RIMS1: variants seen among roughly 807,000 people sequenced by gnomAD.
The protein encoded by RIMS1 is regulating synaptic membrane exocytosis protein 1.
A neutral mutation model predicts 214.1 loss-of-function variants in RIMS1; 83 were observed. The observed-to-expected ratio is 0.39, with a 90% CI of 0.32 to 0.47. RIMS1 has a LOEUF of 0.47. Ranked by LOEUF, RIMS1 falls within the 20% of genes least tolerant of loss-of-function variation. The pLI, the probability that RIMS1 is intolerant of heterozygous loss-of-function variation, is 0.99. For synonymous variants in RIMS1, 793 were observed against 786.8 expected, an observed-to-expected ratio of 1.01 and a Z score of -0.13; for missense variants, 2,050 against 2,161.8, an observed-to-expected ratio of 0.95 and a Z score of 1.03.
chr6:72,182,801 C>T lies in RIMS1; in HGVS notation c.1330C>T (p.Leu444=), dbSNP rs1383261401. The change falls in exon 6 of 34, where the codon CTA becomes TTA. Residue 444 remains leucine, a synonymous_variant. Coordinates refer to ENST00000521978, the MANE Select transcript of RIMS1 (RefSeq NM_014989.7). The stretch of plus-strand genomic sequence containing the variant: ...GACCAGGGCGCCGGGCGCCAAGCAG[C>T]TAACGAACCACAGCCCGCCGGCGCC... ...AETRAPGAKQ[L]TNHSPPAPRH... 6 of 1,548,264 alleles carry T rather than the reference C, an allele frequency of 3.9e-6. No individual in the cohort carries two copies. In the South Asian group the frequency reaches 7.1e-5, roughly 18 times the overall value.
chr6:72,059,208 T>C lies in RIMS1; in HGVS notation c.246-37741T>C, dbSNP rs149403811. Among the ~76,000 whole-genome samples the C allele has an allele frequency of 7.4e-3, 1,134 of 152,310 alleles. 10 individuals are homozygous for C. The highest frequency in any genetic ancestry group is 0.026 in the African/African-American group (1,072 of 41,556). On this transcript the variant is annotated intron_variant, in intron 2 of 33. Coordinates refer to ENST00000521978, the MANE Select transcript of RIMS1 (RefSeq NM_014989.7). ...CATGAATTCATATAACTATGACAGG[T>C]TTCTGCTAGGCATTTTGTTTTATTT... is the stretch of plus-strand genomic sequence containing the variant.
chr6:72,223,864 C>T (rs983267327), intron 6 of RIMS1, among the ~76,000 whole-genome samples: 1 of 146,312 alleles, frequency 6.8e-6, no homozygotes, highest in African/African-American at 2.5e-5. Flanking sequence ...AGGTGAATGG[C>T]GTAAACCTGG....
intron 29 of RIMS1, among the ~76,000 whole-genome samples, chr6:72,378,742 G>A (rs2098436550): frequency 6.6e-6 from 1 of 152,214 alleles, no homozygotes; most frequent in Non-Finnish European, 1.5e-5. Flanking sequence ...AGGAGGCTGA[G>A]GCAGAAGAAT....
intron 2 of RIMS1, among the ~76,000 whole-genome samples, chr6:72,009,163 A>T (rs1809191238): frequency 1.3e-5 from 2 of 152,232 alleles, no homozygotes; most frequent in Admixed American, 1.3e-4. Flanking sequence ...ACTCAGGATT[A>T]AGAAACTCAC....
intron 1 of RIMS1, 110 bp from the exon 2 acceptor site, chr6:71,968,873 C>A (rs1371365489): frequency 5.5e-6 from 6 of 1,097,124 alleles, no homozygotes; most frequent in Non-Finnish European, 5.4e-6. Context: ...GTTGAAGGGG[C>A]TTTCAAAGAC....
chr6:71,890,880 C>T (rs547779604), intron 1 of RIMS1, among the ~76,000 whole-genome samples: 2 of 800 alleles, frequency 2.5e-3, no homozygotes, highest in African/African-American at 4.6e-3. Flanking sequence ...CCTCACACTA[C>T]CCTCAGAGAA....
At chr6:72,204,592 A>G (rs540789078) in intron 6 of RIMS1, among the ~76,000 whole-genome samples, 52 of 152,270 alleles carry the variant, frequency 3.4e-4, no homozygotes, top group Non-Finnish European at 3.8e-4. Flanking sequence ...CTTCTCCTCA[A>G]TCGTTCTCTT....
intron 17 of RIMS1, 69 bp from the exon 18 acceptor site, chr6:72,258,917 C>A: frequency 6.8e-7 from 1 of 1,475,280 alleles, no homozygotes; most frequent in Non-Finnish European, 9.5e-7. Flanking sequence ...AGTTCCTTCA[C>A]TTTAGTCTGT....
At chr6:72,233,945 C>A (rs2063049505) in intron 7 of RIMS1, 105 bp downstream of exon 7, 12 of 702,164 alleles carry the variant, frequency 1.7e-5, no homozygotes, top group Middle Eastern at 2.4e-4. Context: ...TTGGTAAGGG[C>A]AAATATTGAT....
At chr6:72,348,625 C>G (rs1594745174) in intron 29 of RIMS1, among the ~76,000 whole-genome samples, 1 of 151,774 alleles carries the variant, frequency 6.6e-6, no homozygotes, top group South Asian at 2.1e-4. Flanking sequence ...AGGTTTGTTA[C>G]ATGGATAAAT....
At chr6:72,011,514 A>G (rs1416029768) in intron 2 of RIMS1, among the ~76,000 whole-genome samples, 2 of 152,234 alleles carry the variant, frequency 1.3e-5, no homozygotes, top group Non-Finnish European at 2.9e-5. Flanking sequence ...CTGCACAGCA[A>G]AAGAAACTAC....
intron 28 of RIMS1, among the ~76,000 whole-genome samples, chr6:72,330,241 G>C (rs1489758269): frequency 6.6e-6 from 1 of 151,768 alleles, no homozygotes; most frequent in Admixed American, 6.6e-5. Flanking sequence ...TTTGCTGTGT[G>C]GAGTTATTAG....
At chr6:71,978,537 C>T (rs925509089) in intron 2 of RIMS1, among the ~76,000 whole-genome samples, 6 of 151,766 alleles carry the variant, frequency 4.0e-5, no homozygotes, top group Admixed American at 2.0e-4. Context: ...AAATATTGCA[C>T]CTTTTAAAAA....
At chr6:72,334,891 A>G (rs1157478495) in intron 29 of RIMS1, among the ~76,000 whole-genome samples, 1 of 151,938 alleles carries the variant, frequency 6.6e-6, no homozygotes, top group Non-Finnish European at 1.5e-5. Flanking sequence ...ATAGATCTGC[A>G]TCTTTGCCCT....
intron 6 of RIMS1, among the ~76,000 whole-genome samples, chr6:72,208,740 A>G (rs1005565058): frequency 6.6e-6 from 1 of 152,196 alleles, no homozygotes; most frequent in Non-Finnish European, 1.5e-5. Flanking sequence ...TAGGCACACT[A>G]CAAACTTACC....
chr6:72,068,229 C>T (rs1372586337), intron 2 of RIMS1, among the ~76,000 whole-genome samples: 2 of 152,154 alleles, frequency 1.3e-5, no homozygotes, highest in Non-Finnish European at 2.9e-5. Context: ...GTTCCATCTG[C>T]CTCACAAACC....
intron 1 of RIMS1, among the ~76,000 whole-genome samples, chr6:71,909,519 C>G (rs1776286203): frequency 6.6e-6 from 1 of 152,098 alleles, no homozygotes; most frequent in Non-Finnish European, 1.5e-5. Flanking sequence ...TCTGCTGTCT[C>G]TAATCTAACC....
intron 1 of RIMS1, among the ~76,000 whole-genome samples, chr6:71,921,049 CAGACATGCCTCTCCCTG>C (rs1232496886): frequency 8.5e-5 from 13 of 152,292 alleles, no homozygotes; most frequent in African/African-American, 2.9e-4. Flanking sequence ...GCAGCGGAGG[CAGACATGCCTCTCCCTG>C]GTCTCATTGA....
At chr6:72,102,338 A>C (rs909017315) in intron 4 of RIMS1, among the ~76,000 whole-genome samples, 2 of 152,004 alleles carry the variant, frequency 1.3e-5, no homozygotes, top group African/African-American at 2.4e-5. Context: ...ATAAGTTAAG[A>C]TTATTCTACA....
Sources: gnomAD v4.1 joint callset for allele counts (sites outside exome capture counted in the v4.1 genomes callset) on GRCh38, gnomAD v4.1.1 for gene constraint, MANE v1.5 for transcripts, NCBI Gene and HGNC (gene_info 2026-07-23, HGNC 2026-07-21) for gene names.